Variants in DEPDC1B observed in about 807,000 individuals in gnomAD.
DEPDC1B encodes the protein DEP domain containing 1B.
A neutral mutation model predicts 66.5 loss-of-function variants in DEPDC1B; 51 were observed. The ratio of observed to expected loss-of-function variants is 0.77; its 90% CI spans 0.61 to 0.97. The LOEUF (loss-of-function observed/expected upper bound fraction) is 0.97, where lower values mean the gene tolerates loss of function less well. DEPDC1B is among the 50% of genes least tolerant of loss of function. The pLI is 0.00. For missense variants in DEPDC1B, 552 were observed against 637.1 expected (o/e 0.87, Z 1.44); for synonymous variants, 226 against 223.6 (o/e 1.01, Z -0.10).
At chr5:60,599,011 T>TAA (rs58987696) in intron 10 of DEPDC1B, 64 bp downstream of exon 10, 39,245 of 1,121,504 alleles carry the variant, frequency 0.035, 58 homozygotes, top group East Asian at 0.053. Context: ...CCTATTAAAA[T>TAA]AAAAAAAAAA....
Position 60,605,775 on chromosome 5 carries a change from A to G in DEPDC1B, c.980T>C (p.Leu327Ser). The change falls in exon 8 of 11, where the codon TTA (leucine) becomes TCA (serine). Residue 327 changes from leucine to serine, a missense_variant. Coordinates refer to ENST00000265036, the MANE Select transcript of DEPDC1B (RefSeq NM_018369.3). ...LLLPPENRRKLQLLMRMMARI... is the reference protein window; with the variant it reads ...LLLPPENRRKSQLLMRMMARI... The stretch of plus-strand genomic sequence containing the variant: ...TGCCATCATCCTCATCAATAGCTGT[A>G]ACTTTCTCCTATTTTCAGGAGGTAG... The G allele has an allele frequency of 1.2e-6, 2 of 1,613,826 alleles. No homozygotes were observed. Among genetic ancestry groups the G allele is most frequent in the Non-Finnish European group, 1.7e-6 (2 of 1,179,822 alleles).
At chr5:60,639,552 G>C (rs915586805) in intron 6 of DEPDC1B, among the ~76,000 whole-genome samples, 2 of 152,196 alleles carry the variant, frequency 1.3e-5, no homozygotes, top group South Asian at 4.1e-4. Context: ...ATACTGCAAA[G>C]TTGAAGCAAC....
At chr5:60,632,460 T>C (rs1305694303) in intron 7 of DEPDC1B, among the ~76,000 whole-genome samples, 1 of 152,222 alleles carries the variant, frequency 6.6e-6, no homozygotes, top group East Asian at 1.9e-4. Flanking sequence ...TCCACCCATC[T>C]GGCCAGAGCG....
intron 4 of DEPDC1B, among the ~76,000 whole-genome samples, chr5:60,645,272 T>C (rs1753285620): frequency 6.6e-6 from 1 of 152,238 alleles, no homozygotes; most frequent in African/African-American, 2.4e-5. Context: ...ATTATGTGTC[T>C]TATTACTCTT....
At chr5:60,634,249 C>A (rs1025243095) in intron 7 of DEPDC1B, among the ~76,000 whole-genome samples, 3 of 152,238 alleles carry the variant, frequency 2.0e-5, no homozygotes, top group African/African-American at 7.2e-5. Flanking sequence ...AAAGAACCCA[C>A]TGTCTTATCA....
intron 1 of DEPDC1B, among the ~76,000 whole-genome samples, chr5:60,697,627 A>T (rs1754687101): frequency 1.3e-5 from 2 of 152,136 alleles, no homozygotes; most frequent in African/African-American, 4.8e-5. Context: ...GCAATCACTG[A>T]CAGCAGGAAT....
intron 7 of DEPDC1B, among the ~76,000 whole-genome samples, chr5:60,633,332 G>C (rs1584048260): frequency 6.6e-6 from 1 of 152,224 alleles, no homozygotes; most frequent in East Asian, 1.9e-4. Flanking sequence ...CCTTACTCTG[G>C]TGACTTCCTC....
chr5:60,600,667 G>A (rs1752183690), intron 9 of DEPDC1B, among the ~76,000 whole-genome samples: 1 of 152,206 alleles, frequency 6.6e-6, no homozygotes, highest in South Asian at 2.1e-4. Context: ...ATTTTATTCA[G>A]AGCACACTGC....
rs544557825 is a variant in DEPDC1B at position 60,646,039 on chromosome 5, ACTGT to A, written c.451-424_451-421del. 2.8e-3 allele frequency among the ~76,000 whole-genome samples: 419 copies of A among 152,328 alleles called. 3 individuals are homozygous for A. The highest frequency in any genetic ancestry group is 9.8e-3 in the African/African-American group (408 of 41,564). On this transcript the variant is annotated intron_variant, in intron 3 of 10. Coordinates refer to ENST00000265036, the MANE Select transcript of DEPDC1B (RefSeq NM_018369.3). ...GAATTAAAATGTATTACTTTTGAGG[ACTGT>A]CTATTTTTTATAAGCAAATATCAAG...
chr5:60,666,205 C>T (rs1222296761), intron 2 of DEPDC1B, among the ~76,000 whole-genome samples: 1 of 152,182 alleles, frequency 6.6e-6, no homozygotes, highest in Non-Finnish European at 1.5e-5. Flanking sequence ...GGGCTAGAGG[C>T]CTGCCATTGT....
intron 2 of DEPDC1B, among the ~76,000 whole-genome samples, chr5:60,672,961 C>T (rs1037521755): frequency 5.9e-5 from 9 of 152,176 alleles, no homozygotes; most frequent in African/African-American, 2.2e-4. Flanking sequence ...AGGGAACTCA[C>T]TGACTAACCT....
chr5:60,615,171 C>A (rs887781815), intron 7 of DEPDC1B, among the ~76,000 whole-genome samples: 3 of 152,058 alleles, frequency 2.0e-5, no homozygotes, highest in African/African-American at 4.8e-5. Flanking sequence ...GGGGATGGAA[C>A]CAAGATGGCC....
intron 1 of DEPDC1B, among the ~76,000 whole-genome samples, chr5:60,689,741 G>A (rs563480324): frequency 8.2e-4 from 124 of 151,670 alleles, no homozygotes; most frequent in African/African-American, 2.9e-3. Flanking sequence ...GAAATATAAC[G>A]GATTAAAAAG....
intron 7 of DEPDC1B, among the ~76,000 whole-genome samples, chr5:60,627,481 A>G (rs186498924): frequency 1.2e-4 from 18 of 150,666 alleles, no homozygotes; most frequent in Admixed American, 7.3e-4. Context: ...CTGTTTTATT[A>G]TTTGGGTTCA....
At chr5:60,656,749 G>A (rs1043905429) in intron 2 of DEPDC1B, among the ~76,000 whole-genome samples, 1 of 152,142 alleles carries the variant, frequency 6.6e-6, no homozygotes, top group African/African-American at 2.4e-5. Flanking sequence ...CAGATCTCAT[G>A]AGAACTCACT....
At chr5:60,655,915 T>C (rs1753563986) in intron 2 of DEPDC1B, among the ~76,000 whole-genome samples, 1 of 149,056 alleles carries the variant, frequency 6.7e-6, no homozygotes, top group Admixed American at 6.7e-5. Context: ...TCCATGTCTT[T>C]GCATGGCTTT....
intron 7 of DEPDC1B, among the ~76,000 whole-genome samples, chr5:60,629,834 G>T (rs1401098646): frequency 6.6e-6 from 1 of 152,056 alleles, no homozygotes; most frequent in African/African-American, 2.4e-5. Context: ...TTCTGTATTG[G>T]TTCATTCTTT....
chr5:60,632,301 C>T (rs1172067573), intron 7 of DEPDC1B, among the ~76,000 whole-genome samples: 1 of 152,182 alleles, frequency 6.6e-6, no homozygotes, highest in Non-Finnish European at 1.5e-5. Context: ...CACCCCAAAT[C>T]GGCTGCCAGG....
chr5:60,619,598 C>A (rs376742832), intron 7 of DEPDC1B, among the ~76,000 whole-genome samples: 1 of 152,172 alleles, frequency 6.6e-6, no homozygotes. Context: ...TGAAGGACCT[C>A]TTCAAGGAGA....
Sources: allele counts gnomAD v4.1 joint callset (sites outside exome capture counted in the v4.1 genomes callset), GRCh38; gene constraint gnomAD v4.1.1; transcripts MANE v1.5; gene names NCBI Gene and HGNC (gene_info 2026-07-23, HGNC 2026-07-21).